The following TATDN1 variants were observed in gnomAD, a reference collection of about 807,000 sequenced individuals.
The protein encoded by TATDN1 is deoxyribonuclease TATDN1.
Under a neutral mutation model 46.4 loss-of-function variants are expected in TATDN1, and 40 were observed. The ratio of observed to expected loss-of-function variants is 0.86; its 90% confidence interval spans 0.67 to 1.12. The LOEUF is 1.12. Ranked by LOEUF, TATDN1 falls within the 50% of genes most tolerant of loss-of-function variation. The pLI is 0.00. For synonymous variants in TATDN1, 95 were observed against 105.6 expected, an observed-to-expected ratio of 0.90 and a Z score of 0.62; for missense variants, 326 against 348.4, an observed-to-expected ratio of 0.94 and a Z score of 0.51.
At chr8:124,525,853 C>T (rs1820440381) in intron 1 of TATDN1, among the ~76,000 whole-genome samples, 2 of 152,098 alleles carry the variant, frequency 1.3e-5, no homozygotes, top group Admixed American at 1.3e-4. Context: ...ACTCAAAATC[C>T]TATTTATTTA....
At chr8:124,498,967 T>C (rs1202027673) in intron 9 of TATDN1, among the ~76,000 whole-genome samples, 2 of 151,014 alleles carry the variant, frequency 1.3e-5, no homozygotes. Context: ...TTTTTTTTTT[T>C]TTTAATTTAA....
intron 9 of TATDN1, among the ~76,000 whole-genome samples, chr8:124,502,340 C>CAA (rs1278936566): frequency 2.6e-3 from 171 of 64,648 alleles, no homozygotes; most frequent in African/African-American, 7.9e-3. Flanking sequence ...GAGTCCCTCT[C>CAA]AAAAAAAAAA....
intron 6 of TATDN1, among the ~76,000 whole-genome samples, chr8:124,514,273 G>A (rs577232827): frequency 6.6e-6 from 1 of 152,190 alleles, no homozygotes; most frequent in South Asian, 2.1e-4. Context: ...GAGCAGGGAG[G>A]GAAGCGGGAG....
intron 1 of TATDN1, among the ~76,000 whole-genome samples, chr8:124,535,854 G>C (rs1457452448): frequency 1.3e-5 from 2 of 152,132 alleles, no homozygotes; most frequent in African/African-American, 4.8e-5. Context: ...GAAAGGGAAG[G>C]GGAGCCAGTG....
chr8:124,508,056 A>G (rs1018612789), intron 8 of TATDN1, among the ~76,000 whole-genome samples: 1 of 152,180 alleles, frequency 6.6e-6, no homozygotes, highest in African/African-American at 2.4e-5. Context: ...TTAAATGTTG[A>G]CATCTGAATT....
intron 1 of TATDN1, among the ~76,000 whole-genome samples, chr8:124,537,423 A>T (rs1430233037): frequency 6.6e-6 from 1 of 152,234 alleles, no homozygotes; most frequent in Non-Finnish European, 1.5e-5. Flanking sequence ...TTTATAGAGC[A>T]GCCCAGGGAT....
At chr8:124,516,826 C>T (rs1454265896) in intron 4 of TATDN1, among the ~76,000 whole-genome samples, 1 of 152,156 alleles carries the variant, frequency 6.6e-6, no homozygotes, top group Non-Finnish European at 1.5e-5. Flanking sequence ...GGAGGAGACT[C>T]TGACAGCTTG....
intron 1 of TATDN1, among the ~76,000 whole-genome samples, chr8:124,525,318 TG>T (rs1820391167): frequency 6.6e-6 from 1 of 152,106 alleles, no homozygotes; most frequent in African/African-American, 2.4e-5. Context: ...GCTAATTTTT[TG>T]TATTTTTAGT....
chr8:124,510,849 A>C (rs911256130), intron 6 of TATDN1, among the ~76,000 whole-genome samples: 3 of 152,144 alleles, frequency 2.0e-5, no homozygotes, highest in African/African-American at 7.2e-5. Context: ...AGAAAATAAC[A>C]GAAGCCCAAG....
intron 1 of TATDN1, among the ~76,000 whole-genome samples, chr8:124,526,085 T>C (rs1390758218): frequency 6.6e-6 from 1 of 152,246 alleles, no homozygotes; most frequent in Non-Finnish European, 1.5e-5. Flanking sequence ...CCATACACCC[T>C]ATAGTTCAAC....
At chr8:124,528,419 C>A (rs774930209) in intron 1 of TATDN1, among the ~76,000 whole-genome samples, 18 of 152,094 alleles carry the variant, frequency 1.2e-4, no homozygotes, top group Non-Finnish European at 2.2e-4. Context: ...GTGATCCTCC[C>A]GCCTCGGCCT....
Position 124,522,880 on chromosome 8 carries a change from G to A in TATDN1, c.88+57C>T, listed in dbSNP as rs539662511. ...TGAATTATGCTTTTCAAGATCTCCTGAGGCAGAAAATTTGTCTTCATAGGA... is the reference window on the plus strand; with the variant it reads ...TGAATTATGCTTTTCAAGATCTCCTAAGGCAGAAAATTTGTCTTCATAGGA... On this transcript the variant is annotated intron_variant, in intron 2 of 11. Transcript: ENST00000276692. 3.0e-5 allele frequency: 43 copies of A among 1,440,098 alleles called. No homozygotes were observed. The African/African-American group carries it at 5.7e-4, about 19-fold the overall frequency. The allele number at this position is 1,440,098 out of a possible 1,614,324, so 89.2% of individuals were successfully genotyped here. A position where few individuals can be genotyped will look rare whatever the true frequency, so the allele number is the denominator to read the frequency against.
chr8:124,527,055 A>G (rs1426414546), intron 1 of TATDN1, among the ~76,000 whole-genome samples: 2 of 152,212 alleles, frequency 1.3e-5, no homozygotes, highest in African/African-American at 4.8e-5. Flanking sequence ...TTGACGTGCA[A>G]CCTGCAGGCT....
At chr8:124,499,612 C>T (rs560570188) in intron 9 of TATDN1, among the ~76,000 whole-genome samples, 2 of 151,690 alleles carry the variant, frequency 1.3e-5, no homozygotes, top group Non-Finnish European at 2.9e-5. Context: ...TGGGTGATCT[C>T]GGCTCTCTGC....
chr8:124,532,640 G>C (rs952395237), intron 1 of TATDN1, among the ~76,000 whole-genome samples: 1 of 152,190 alleles, frequency 6.6e-6, no homozygotes, highest in African/African-American at 2.4e-5. Context: ...TTTGTTTCTA[G>C]AGCATGCCAA....
chr8:124,528,363 C>T (rs1169810481), intron 1 of TATDN1, among the ~76,000 whole-genome samples: 6 of 152,076 alleles, frequency 3.9e-5, no homozygotes, highest in East Asian at 1.9e-4. Context: ...TTAGTAGAGA[C>T]GGGGTTTCAC....
intron 6 of TATDN1, among the ~76,000 whole-genome samples, chr8:124,509,277 A>G (rs1192233606): frequency 6.6e-6 from 1 of 152,246 alleles, no homozygotes; most frequent in Non-Finnish European, 1.5e-5. Flanking sequence ...TAACCTGAGT[A>G]TAAAAGCTGG....
intron 1 of TATDN1, chr8:124,538,791 A>G: frequency 1.7e-6 from 1 of 597,680 alleles, no homozygotes; most frequent in Non-Finnish European, 3.0e-6. Context: ...CACAAAAATC[A>G]TAACTGTACG....
At chr8:124,538,975 G>T (rs896041422) in intron 1 of TATDN1, 50 bp downstream of exon 1, 2 of 1,612,452 alleles carry the variant, frequency 1.2e-6, no homozygotes, top group Non-Finnish European at 1.7e-6. Flanking sequence ...GGTGACCGAC[G>T]CCCGGGACAA....
Sources: gnomAD v4.1 joint callset for allele counts (sites outside exome capture counted in the v4.1 genomes callset) on GRCh38, gnomAD v4.1.1 for gene constraint, MANE v1.5 for transcripts, NCBI Gene and HGNC (gene_info 2026-07-23, HGNC 2026-07-21) for gene names.